The following CDK14 variants were observed in gnomAD, a reference collection of about 807,000 sequenced individuals.
CDK14 encodes the protein cyclin-dependent kinase 14.
CDK14 carries 34 observed loss-of-function variants against 60.7 expected under a neutral mutation model. The observed-to-expected ratio is 0.56, with a 90% CI of 0.43 to 0.75. The LOEUF is 0.75. Ranked by LOEUF, CDK14 falls within the 30% of genes least tolerant of loss-of-function variation. CDK14 has a pLI of 0.00. For synonymous variants in CDK14, 197 were observed against 203.7 expected (o/e 0.97, Z 0.28); for missense variants, 482 against 564.1 (o/e 0.85, Z 1.47).
At chr7:91,077,239 A>T (rs1798346673) in intron 11 of CDK14, among the ~76,000 whole-genome samples, 1 of 152,244 alleles carries the variant, frequency 6.6e-6, no homozygotes, top group Non-Finnish European at 1.5e-5. Context: ...AAGACATGGA[A>T]CCAACCCAAA....
At chr7:91,146,069 A>G (rs1350704276) in intron 14 of CDK14, among the ~76,000 whole-genome samples, 1 of 152,204 alleles carries the variant, frequency 6.6e-6, no homozygotes, top group Non-Finnish European at 1.5e-5. Flanking sequence ...ATAGACAATG[A>G]TGGTTTAATG....
intron 4 of CDK14, among the ~76,000 whole-genome samples, chr7:90,749,080 A>G (rs1053374010): frequency 6.6e-6 from 1 of 152,212 alleles, no homozygotes; most frequent in Non-Finnish European, 1.5e-5. Flanking sequence ...AATATTCCTT[A>G]TCAAGAAAGA....
intron 4 of CDK14, among the ~76,000 whole-genome samples, chr7:90,773,659 A>G (rs1804874923): frequency 6.6e-6 from 1 of 152,178 alleles, no homozygotes; most frequent in Non-Finnish European, 1.5e-5. Flanking sequence ...GGTGTGAGCC[A>G]CCTCGCCTGG....
At position 90,639,161 on chromosome 7, in the gene CDK14, C is replaced by G. The variant is rs1160254241; in HGVS notation, c.123+34912C>G. ...AAGTCATTCTCCTTCCAGCTTTGAT[C>G]TGTTGCTGGTGAGGAACTGCGTTCC... On this transcript the variant is annotated intron_variant, in intron 2 of 14. Coordinates refer to ENST00000380050, the MANE Select transcript of CDK14 (RefSeq NM_001287135.2). Among the ~76,000 whole-genome samples, 3 of 152,192 alleles carry G rather than the reference C, an allele frequency of 2.0e-5. No homozygotes were observed. In the East Asian group the frequency reaches 5.8e-4, roughly 29 times the overall value.
chr7:91,030,906 G>C (rs1010693878), intron 10 of CDK14, among the ~76,000 whole-genome samples: 1 of 152,182 alleles, frequency 6.6e-6, no homozygotes, highest in Admixed American at 6.5e-5. Flanking sequence ...CTAAGGCTAG[G>C]TGAGACTTCA....
At chr7:90,884,065 A>G (rs199936624) in intron 6 of CDK14, among the ~76,000 whole-genome samples, 2 of 152,198 alleles carry the variant, frequency 1.3e-5, no homozygotes, top group East Asian at 3.8e-4. Flanking sequence ...CCTATTCAAT[A>G]TAGTGTTGGA....
chr7:90,768,800 A>G (rs1490122839), intron 4 of CDK14, among the ~76,000 whole-genome samples: 3 of 152,206 alleles, frequency 2.0e-5, no homozygotes, highest in African/African-American at 7.2e-5. Context: ...AAGACAATAA[A>G]TGATATGTTT....
chr7:91,147,147 C>CTG (rs1800667380), intron 14 of CDK14, among the ~76,000 whole-genome samples: 2 of 100,920 alleles, frequency 2.0e-5, no homozygotes, highest in African/African-American at 7.3e-5. Context: ...CTCTGTCTCT[C>CTG]TCTCTCTCTC....
At chr7:91,093,773 C>G (rs916298042) in intron 12 of CDK14, among the ~76,000 whole-genome samples, 2 of 152,104 alleles carry the variant, frequency 1.3e-5, no homozygotes, top group Non-Finnish European at 2.9e-5. Flanking sequence ...TGGAATCAAC[C>G]TAGGTGCCCA....
At chr7:90,656,524 C>T (rs566311841) in intron 2 of CDK14, among the ~76,000 whole-genome samples, 116 of 152,024 alleles carry the variant, frequency 7.6e-4, no homozygotes, top group Non-Finnish European at 1.3e-3. Flanking sequence ...GGACTACAGG[C>T]ACGTGCCACC....
At chr7:90,738,807 T>G (rs1377996964) in intron 3 of CDK14, among the ~76,000 whole-genome samples, 1 of 152,206 alleles carries the variant, frequency 6.6e-6, no homozygotes, top group Non-Finnish European at 1.5e-5. Context: ...GTATCTTTAT[T>G]TAAATGTGAT....
intron 13 of CDK14, 100 bp from the exon 14 acceptor site, chr7:91,117,965 G>C: frequency 1.6e-6 from 1 of 628,792 alleles, no homozygotes; most frequent in Non-Finnish European, 2.7e-6. Context: ...CAGTGTGCTG[G>C]GCATCCAAAC....
At chr7:90,903,289 A>G (rs1032580736) in intron 7 of CDK14, among the ~76,000 whole-genome samples, 4 of 152,186 alleles carry the variant, frequency 2.6e-5, no homozygotes, top group African/African-American at 7.2e-5. Flanking sequence ...ACTATTCACA[A>G]TAGCAAAGAT....
chr7:90,597,833 G>GTTT lies in CDK14; in HGVS notation c.91+1130_91+1132dup, dbSNP rs11351927. On this transcript the variant is annotated intron_variant, in intron 1 of 14. Coordinates refer to ENST00000380050, the MANE Select transcript of CDK14 (RefSeq NM_001287135.2). ...GTACAATGGATCGAAATTTAGCCAAGTTTTTTTTTTTTTTTTTGTCTTTCG... is the reference window on the plus strand; with the variant it reads ...GTACAATGGATCGAAATTTAGCCAAGTTTTTTTTTTTTTTTTTTTTGTCTTTCG... 8.2e-4 allele frequency among the ~76,000 whole-genome samples: 113 copies of GTTT among 138,606 alleles called. 2 individuals are homozygous for GTTT. Among genetic ancestry groups the GTTT allele is most frequent in the African/African-American group, 2.2e-3 (84 of 37,472 alleles). The allele number at this position is 138,606 out of a possible 152,430, so 90.9% of individuals were successfully genotyped here. A position where few individuals can be genotyped will look rare whatever the true frequency, so the allele number is the denominator to read the frequency against.
At chr7:90,783,384 A>C (rs1328263780) in intron 4 of CDK14, among the ~76,000 whole-genome samples, 7 of 152,144 alleles carry the variant, frequency 4.6e-5, no homozygotes, top group Non-Finnish European at 1.5e-5. Context: ...TTTACTGAAG[A>C]ACTATTTGCC....
In CDK14 at chr7:90,608,975, T is replaced by C. The variant is rs537466078; in HGVS notation, c.123+4726T>C. On this transcript the variant is annotated intron_variant, in intron 2 of 14. Transcript: ENST00000380050. ...GATATTGGCTTCTAGTCCATGTCCC[T>C]CTTTGTTATTTTATATAAAGATATA... Among the ~76,000 whole-genome samples the C allele has an allele frequency of 1.2e-3, 179 of 152,308 alleles. No individual in the cohort carries two copies. The Middle Eastern group carries it at 0.014, about 12-fold the overall frequency.
At chr7:90,879,791 T>C (rs1417457061) in intron 6 of CDK14, among the ~76,000 whole-genome samples, 1 of 147,040 alleles carries the variant, frequency 6.8e-6, no homozygotes, top group African/African-American at 2.6e-5. Flanking sequence ...AAAAAAAAAA[T>C]TGACTAGAAG....
chr7:90,845,858 G>C (rs1221163833), intron 5 of CDK14, among the ~76,000 whole-genome samples: 1 of 152,066 alleles, frequency 6.6e-6, no homozygotes. Flanking sequence ...GCCATTAATA[G>C]CTGTTCTCTT....
chr7:90,903,198 C>G (rs1048289988), intron 7 of CDK14, among the ~76,000 whole-genome samples: 1 of 152,070 alleles, frequency 6.6e-6, no homozygotes, highest in African/African-American at 2.4e-5. Context: ...ATAAATTGAA[C>G]TATCATATGA....
Sources: allele counts gnomAD v4.1 joint callset (sites outside exome capture counted in the v4.1 genomes callset), GRCh38; gene constraint gnomAD v4.1.1; transcripts MANE v1.5; gene names NCBI Gene and HGNC (gene_info 2026-07-23, HGNC 2026-07-21).